The following ERCC8 variants were observed in gnomAD, a reference collection of about 807,000 sequenced individuals.
ERCC8 encodes the protein DNA excision repair protein ERCC-8.
Under a neutral mutation model 54.9 loss-of-function variants are expected in ERCC8, and 52 were observed. The observed-to-expected ratio is 0.95, with a 90% CI of 0.76 to 1.19. The LOEUF is 1.19. Among genes scored for constraint, ERCC8 ranks in the 50% most tolerant of loss-of-function variants. The pLI is 0.00. For missense variants in ERCC8, 514 were observed against 466.1 expected, an observed-to-expected ratio of 1.10 and a Z score of -0.95; for synonymous variants, 146 against 157.2, an observed-to-expected ratio of 0.93 and a Z score of 0.53.
At chr5:60,936,757 C>T (rs1750079983) in intron 1 of ERCC8, among the ~76,000 whole-genome samples, 1 of 152,092 alleles carries the variant, frequency 6.6e-6, no homozygotes, top group Admixed American at 6.5e-5. Flanking sequence ...TTTTAATTTC[C>T]ATCTTGATGT....
At chr5:60,898,958 A>C (rs1440724223) in intron 8 of ERCC8, among the ~76,000 whole-genome samples, 3 of 151,382 alleles carry the variant, frequency 2.0e-5, no homozygotes, top group Non-Finnish European at 4.4e-5. Context: ...TTTTTAAAAA[A>C]CTATATAAAT....
chr5:60,892,045 G>T, intron 9 of ERCC8: 1 of 529,606 alleles, frequency 1.9e-6, no homozygotes, highest in South Asian at 1.4e-5. Context: ...ACTCTTCAGG[G>T]AGGATGCTAG....
chr5:60,904,628 GTGTGTGTATATATATATATATATATATA>G lies in ERCC8; in HGVS notation c.481+136_481+163del, dbSNP rs1463432813. On this transcript the variant is annotated intron_variant, in intron 5 of 11. Coordinates refer to ENST00000676185, the MANE Select transcript of ERCC8 (RefSeq NM_000082.4). ...TATCTGTTGAATATATATAGTGTGT[GTGTGTGTATATATATATATATATATATA>G]TATATATATATATATATATATATAT... 2.4e-3 allele frequency among the ~76,000 whole-genome samples: 166 copies of G among 67,800 alleles called. 2 individuals carry two copies. Among genetic ancestry groups the G allele is most frequent in the East Asian group, 0.01 (21 of 2,092 alleles). The allele number at this position is 67,800 out of a possible 152,430, so 44.5% of individuals were successfully genotyped here.
intron 1 of ERCC8, among the ~76,000 whole-genome samples, chr5:60,933,279 T>G (rs1302318735): frequency 1.5e-5 from 2 of 135,954 alleles, no homozygotes; most frequent in Non-Finnish European, 3.1e-5. Flanking sequence ...AGTGCTGTGG[T>G]GCAATCTCGG....
chr5:60,901,782 T>C (rs1329791976), intron 7 of ERCC8, among the ~76,000 whole-genome samples: 1 of 152,060 alleles, frequency 6.6e-6, no homozygotes, highest in African/African-American at 2.4e-5. Context: ...CCTGTTTCTC[T>C]CTACTGGTAC....
intron 10 of ERCC8, among the ~76,000 whole-genome samples, chr5:60,887,731 G>A (rs1212721557): frequency 1.3e-5 from 2 of 152,100 alleles, no homozygotes; most frequent in Admixed American, 1.3e-4. Flanking sequence ...ATTTGTCAGA[G>A]CTTACTAATG....
At position 60,866,952 on chromosome 5, in the gene ERCC8, C is replaced by CTCCTG. The variant is rs1170651702; in HGVS notation, c.*7658_*7662dup. 2 of 152,046 alleles carry CTCCTG rather than the reference C, an allele frequency of 1.3e-5. No individual in the cohort carries two copies. The highest frequency in any genetic ancestry group is 4.8e-5 in the African/African-American group (2 of 41,368). The allele number at this position is 152,046 out of a possible 1,614,324, so 9.4% of individuals were successfully genotyped here. ...CGCTGCCTCCGGGGTTCACGCCATT[C>CTCCTG]TCCTGCCTCAGCCTCCCAAATAGCT... On this transcript the variant is annotated 3_prime_UTR_variant, in exon 12 of 12. Coordinates refer to ENST00000676185, the MANE Select transcript of ERCC8 (RefSeq NM_000082.4).
At chr5:60,894,015 T>C (rs1748649728) in intron 9 of ERCC8, among the ~76,000 whole-genome samples, 1 of 149,090 alleles carries the variant, frequency 6.7e-6, no homozygotes, top group South Asian at 2.1e-4. Context: ...GACAGAGTCT[T>C]GCTCTGTCGC....
intron 7 of ERCC8, among the ~76,000 whole-genome samples, chr5:60,901,111 G>A (rs545481887): frequency 2.4e-3 from 370 of 151,758 alleles, no homozygotes; most frequent in South Asian, 3.5e-3. Context: ...AATAGCTTTC[G>A]TAATAATTCT....
intron 10 of ERCC8, among the ~76,000 whole-genome samples, chr5:60,889,639 G>C (rs922408088): frequency 1.3e-5 from 2 of 152,204 alleles, no homozygotes; most frequent in Admixed American, 6.5e-5. Context: ...ACACCTATTA[G>C]AGAAGCTCCA....
At chr5:60,878,529 A>G (rs1561493209) in intron 11 of ERCC8, among the ~76,000 whole-genome samples, 1 of 152,212 alleles carries the variant, frequency 6.6e-6, no homozygotes, top group Non-Finnish European at 1.5e-5. Flanking sequence ...TAAGCTATCA[A>G]TGATTGCCTC....
At chr5:60,879,927 T>C (rs1484433068) in intron 11 of ERCC8, among the ~76,000 whole-genome samples, 2 of 152,228 alleles carry the variant, frequency 1.3e-5, no homozygotes, top group Non-Finnish European at 2.9e-5. Flanking sequence ...GCTGGTTATT[T>C]TGCTCGTTAG....
rs1326574227 is a variant in ERCC8, at chr5:60,903,686, C to T, written c.512G>A (p.Cys171Tyr). 2 of 1,612,650 alleles carry T rather than the reference C, an allele frequency of 1.2e-6. No homozygotes were observed. The highest frequency in any genetic ancestry group is 1.7e-6 in the Non-Finnish European group (2 of 1,179,328). The change falls in exon 6 of 12, where the codon TGT (cysteine) becomes TAT (tyrosine). Residue 171 changes from cysteine to tyrosine, a missense_variant. By Grantham distance (194) the Cys-to-Tyr change is radical. Transcript: ENST00000676185. Reference protein sequence around the residue: ...VGTRGPKVQLCDLKSGSCSHI... With the variant: ...VGTRGPKVQLYDLKSGSCSHI... ...AGAACAGGATCCAGACTTCAAGTCA[C>T]AAAGTTGTACTTTGGGTCCTCTAGT... is the stretch of plus-strand genomic sequence containing the variant.
At chr5:60,939,750 C>T (rs1750203441) in intron 1 of ERCC8, among the ~76,000 whole-genome samples, 1 of 152,168 alleles carries the variant, frequency 6.6e-6, no homozygotes, top group Non-Finnish European at 1.5e-5. Context: ...CCTGCCTTGG[C>T]CTCCCAAAGT....
intron 4 of ERCC8, among the ~76,000 whole-genome samples, chr5:60,909,272 A>AAAAAAAAAAAAAAAAAAAC (rs1314331223): frequency 6.9e-6 from 1 of 145,322 alleles, no homozygotes; most frequent in African/African-American, 2.6e-5. Context: ...AAAAAAAAAA[A>AAAAAAAAAAAAAAAAAAAC]AAAAAAGCCA....
intron 1 of ERCC8, among the ~76,000 whole-genome samples, chr5:60,932,521 G>A (rs1749937628): frequency 6.6e-6 from 1 of 152,176 alleles, no homozygotes; most frequent in African/African-American, 2.4e-5. Context: ...TTCCCTGATA[G>A]ACATTTCACA....
chr5:60,894,927 T>C (rs938456971), intron 9 of ERCC8, among the ~76,000 whole-genome samples: 12 of 151,984 alleles, frequency 7.9e-5, no homozygotes, highest in African/African-American at 2.2e-4. Context: ...TCCCAGCAGT[T>C]TGGGAGGCCG....
chr5:60,929,698 T>A (rs568109584), intron 1 of ERCC8, among the ~76,000 whole-genome samples: 4 of 152,328 alleles, frequency 2.6e-5, no homozygotes, highest in African/African-American at 9.6e-5. Context: ...CAAATGACAT[T>A]TCTGATATTT....
At chr5:60,923,618 T>TA (rs1749663991) in intron 2 of ERCC8, among the ~76,000 whole-genome samples, 1 of 152,174 alleles carries the variant, frequency 6.6e-6, no homozygotes, top group South Asian at 2.1e-4. Flanking sequence ...TCACTGTTTT[T>TA]ACCTTAATTC....
Sources: allele counts gnomAD v4.1 joint callset (sites outside exome capture counted in the v4.1 genomes callset), GRCh38; gene constraint gnomAD v4.1.1; transcripts MANE v1.5; gene names NCBI Gene and HGNC (gene_info 2026-07-23, HGNC 2026-07-21).